Variants in SYNJ2 observed in about 807,000 individuals in gnomAD.
SYNJ2 encodes polyphosphatidylinositol phosphatase SYNJ2.
A neutral mutation model predicts 141.3 loss-of-function variants in SYNJ2; 116 were observed. That is an observed-to-expected ratio of 0.82 (90% CI 0.71 to 0.96). SYNJ2 has a LOEUF of 0.96. SYNJ2 is among the 40% of genes least tolerant of loss of function. The pLI, the probability that SYNJ2 is intolerant of heterozygous loss-of-function variation, is 0.00. For missense variants in SYNJ2, 1,873 were observed against 1,934.8 expected, an observed-to-expected ratio of 0.97 and a Z score of 0.60; for synonymous variants, 745 against 777.7, an observed-to-expected ratio of 0.96 and a Z score of 0.70.
chr6:157,982,239 G>T lies in SYNJ2; in HGVS notation c.127+151G>T. 9.2e-7 allele frequency: 1 copy of T among 1,086,910 alleles called. No individual in the cohort carries two copies. Among genetic ancestry groups the T allele is most frequent in the Non-Finnish European group, 1.2e-6 (1 of 852,128 alleles). The allele number at this position is 1,086,910 out of a possible 1,614,324, so 67.3% of individuals were successfully genotyped here. A position where few individuals can be genotyped will look rare whatever the true frequency, so the allele number is the denominator to read the frequency against. On this transcript the variant is annotated intron_variant, in intron 1 of 26. Transcript: ENST00000355585. This position sits in a 1 kb window ranked among gnomAD's most constrained non-coding sequence, Gnocchi z 4.0. ...GTCGCGCGCAGAGGGGTGGCTGTTT[G>T]AATGAAGTGGGGCTGGGGACTCGAG...
intron 26 of SYNJ2, chr6:158,094,159 A>G (rs2128402753): frequency 1.6e-6 from 1 of 608,350 alleles, no homozygotes; most frequent in Middle Eastern, 4.6e-4. Flanking sequence ...TCTGTCCCAC[A>G]TTGGCTCATT....
At chr6:158,028,288 G>A (rs115582436) in intron 2 of SYNJ2, 2,992 of 177,592 alleles carry the variant, frequency 0.017, 83 homozygotes, top group African/African-American at 0.063. Flanking sequence ...GTGATGGAGT[G>A]GGGGAAGACA....
At chr6:158,059,112 A>C (rs1750034) in intron 6 of SYNJ2, 145 bp from the exon 7 acceptor site, 735,262 of 816,806 alleles carry the variant, frequency 0.9, 331,648 homozygotes, top group Middle Eastern at 0.92. Flanking sequence ...ATTTTCCACG[A>C]TTTGGGTCAT....
At chr6:157,989,427 A>AATATATATATATATATATAT (rs34948131) in intron 1 of SYNJ2, among the ~76,000 whole-genome samples, 1 of 96,288 alleles carries the variant, frequency 1.0e-5, no homozygotes, top group Admixed American at 1.2e-4. Context: ...TAAAAAAATG[A>AATATATATATATATATATAT]ATATATATAT....
At chr6:157,996,985 G>C (rs1236987687) in intron 1 of SYNJ2, among the ~76,000 whole-genome samples, 1 of 152,012 alleles carries the variant, frequency 6.6e-6, no homozygotes, top group Non-Finnish European at 1.5e-5. Flanking sequence ...GTACACCAAG[G>C]GTTGGCCTGG....
At chr6:157,996,859 A>G (rs917431133) in intron 1 of SYNJ2, among the ~76,000 whole-genome samples, 2 of 152,220 alleles carry the variant, frequency 1.3e-5, no homozygotes, top group Admixed American at 6.5e-5. Flanking sequence ...CCTCCCAAGA[A>G]GCAGATGCTG....
At chr6:157,983,569 ATTC>A (rs774488481) in intron 1 of SYNJ2, among the ~76,000 whole-genome samples, 1 of 152,264 alleles carries the variant, frequency 6.6e-6, no homozygotes, top group Non-Finnish European at 1.5e-5. Context: ...ACATTCAAGA[ATTC>A]TTTGAAGCAG....
At chr6:158,074,534 T>G in intron 15 of SYNJ2, 46 bp from the exon 16 acceptor site, 1 of 1,591,426 alleles carries the variant, frequency 6.3e-7, no homozygotes, top group Non-Finnish European at 8.6e-7. Flanking sequence ...TCTCCCACCT[T>G]CCTTGCAAGA....
intron 2 of SYNJ2, among the ~76,000 whole-genome samples, chr6:158,018,870 C>T (rs774617049): frequency 3.9e-5 from 6 of 152,238 alleles, no homozygotes; most frequent in African/African-American, 1.4e-4. Context: ...TGCGGGCTGC[C>T]GAGGGTTTTC....
rs771584233 is a variant in SYNJ2 at position 158,028,923 on chromosome 6, G to C, written c.382G>C (p.Val128Leu). 4 of 1,614,176 alleles carry C rather than the reference G, an allele frequency of 2.5e-6. No individual in the cohort carries two copies. The highest frequency in any genetic ancestry group is 3.4e-6 in the Non-Finnish European group (4 of 1,180,032). ...TTTGAAGAAAATCCTCAGCTCGGGGGTGTTCTATTTCTCATGGCCAAACGA... is the reference window on the plus strand; with the variant it reads ...TTTGAAGAAAATCCTCAGCTCGGGGCTGTTCTATTTCTCATGGCCAAACGA... Reference protein sequence around the residue: ...IALKKILSSGVFYFSWPNDGS... With the variant: ...IALKKILSSGLFYFSWPNDGS... The change falls in exon 3 of 27, where the codon GTG (valine) becomes CTG (leucine). Residue 128 changes from valine (V) to leucine (L), a missense_variant. Physicochemically the swap from Val to Leu is conservative, Grantham distance 32. Transcript: ENST00000355585.
At chr6:158,018,194 G>A (rs920680863) in intron 2 of SYNJ2, among the ~76,000 whole-genome samples, 5 of 152,212 alleles carry the variant, frequency 3.3e-5, no homozygotes, top group Admixed American at 6.5e-5. Flanking sequence ...GGGTGAGCCG[G>A]TGGTGGCCGG....
Position 158,059,453 on chromosome 6 carries a change from G to T in SYNJ2, c.954+100G>T, listed in dbSNP as rs752019348. On this transcript the variant is annotated intron_variant, in intron 7 of 26. Transcript: ENST00000355585. ...GCTCCTGCAGGGACTGGAGCTGACAGCCCAGCCCTCCTTCGTTTCCTGAGG... is the reference window on the plus strand; with the variant it reads ...GCTCCTGCAGGGACTGGAGCTGACATCCCAGCCCTCCTTCGTTTCCTGAGG... 6 of 1,508,248 alleles carry T rather than the reference G, an allele frequency of 4.0e-6. No individual in the cohort carries two copies. The African/African-American group carries it at 8.3e-5, about 21-fold the overall frequency. The allele number at this position is 1,508,248 out of a possible 1,614,324, so 93.4% of individuals were successfully genotyped here.
In SYNJ2 at chr6:158,095,597, CTT is replaced by C. The variant is rs916909033; in HGVS notation, c.3745-19_3745-18del. On this transcript the variant is annotated intron_variant, in intron 26 of 26. Transcript: ENST00000355585. ...TAGTTATTGGCTTCTTATTTACACT[CTT>C]TGTCCCACCTTTTCTCAGCCCCTGT... 2 of 1,567,420 alleles carry C rather than the reference CTT, an allele frequency of 1.3e-6. No homozygotes were observed. Among genetic ancestry groups the C allele is most frequent in the Non-Finnish European group, 1.7e-6 (2 of 1,160,496 alleles).
At chr6:157,987,559 G>A (rs375752355) in intron 1 of SYNJ2, among the ~76,000 whole-genome samples, 5 of 151,878 alleles carry the variant, frequency 3.3e-5, no homozygotes, top group Admixed American at 6.6e-5. Context: ...GTGCCATCAC[G>A]TCCGGCTAAT....
At position 158,068,638 on chromosome 6, in the gene SYNJ2, G is replaced by A. The variant is rs756149394; in HGVS notation, c.1718-9G>A. 1.2e-6 allele frequency: 2 copies of A among 1,614,174 alleles called. No homozygotes were observed. Among genetic ancestry groups the A allele is most frequent in the Admixed American group, 1.7e-5 (1 of 60,026 alleles). On this transcript the variant is annotated splice_polypyrimidine_tract_variant and intron_variant, in intron 12 of 26. Coordinates refer to ENST00000355585, the MANE Select transcript of SYNJ2 (RefSeq NM_003898.4). ...TCTGACTTCTGTCATCTCTTGCCTT[G>A]CTCCCCAGATGACAGCAGCCCAGCT...
rs139908666 is a variant in SYNJ2 at position 158,074,060 on chromosome 6, C to T, written c.2134-520C>T. Among the ~76,000 whole-genome samples, 30 of 152,112 alleles carry T rather than the reference C, an allele frequency of 2.0e-4. 1 individual carries two copies. In the South Asian group the frequency reaches 5.8e-3, roughly 29 times the overall value. On this transcript the variant is annotated intron_variant, in intron 15 of 26. Transcript: ENST00000355585. ...GAAGGCAAGGACCCCAGGAGCTCTCCGGGGCTGAGCTGGGGCCGTGGGCTC... is the reference window on the plus strand; with the variant it reads ...GAAGGCAAGGACCCCAGGAGCTCTCTGGGGCTGAGCTGGGGCCGTGGGCTC...
In SYNJ2 at chr6:158,084,001, G is replaced by C; in HGVS notation, c.3035G>C (p.Gly1012Ala). The C allele has an allele frequency of 6.2e-7, 1 of 1,614,012 alleles. No individual in the cohort carries two copies. The highest frequency in any genetic ancestry group is 2.2e-5 in the East Asian group (1 of 44,878). ...ATTGTGATTCATTTCCTTCTCCCAGGGGATATTCTTGAAGACGATGAAGAC... is the reference window on the plus strand; with the variant it reads ...ATTGTGATTCATTTCCTTCTCCCAGCGGATATTCTTGAAGACGATGAAGAC... ...DFTSLDYESE[G>A]DILEDDEDYL... The change falls in exon 22 of 27, where the codon GGG becomes GCG. Residue 1012 changes from glycine to alanine, a missense_variant and splice_region_variant. Transcript: ENST00000355585. This position sits in a 1 kb window ranked among gnomAD's most constrained non-coding sequence, Gnocchi z 5.0.
Position 158,083,574 on chromosome 6 carries a change from C to T in SYNJ2, c.3011C>T (p.Thr1004Ile), listed in dbSNP as rs1562399062. 6.2e-7 allele frequency: 1 copy of T among 1,614,166 alleles called. No individual in the cohort carries two copies. The highest frequency in any genetic ancestry group is 1.6e-4 in the Middle Eastern group (1 of 6,062). ...SCLLEENFDFTSLDYESEGDI... is the reference protein window; with the variant it reads ...SCLLEENFDFISLDYESEGDI... ...TTGCTGGAGGAAAACTTTGACTTCA[C>T]AAGTTTGGACTATGAGTCAGAAGGT... The change falls in exon 21 of 27, where the codon ACA becomes ATA. Residue 1004 changes from threonine to isoleucine, a missense_variant. Transcript: ENST00000355585.
intron 2 of SYNJ2, chr6:158,028,423 TC>T (rs1779173813): frequency 2.8e-6 from 1 of 355,438 alleles, no homozygotes; most frequent in Admixed American, 4.2e-5. Context: ...ATTTTCAGAC[TC>T]CTGGGGGCAT....
Sources: gnomAD v4.1 joint callset for allele counts (sites outside exome capture counted in the v4.1 genomes callset) on GRCh38, gnomAD v4.1.1 for gene constraint, Gnocchi (gnomAD v3.1) non-coding constraint, MANE v1.5 for transcripts, NCBI Gene and HGNC (gene_info 2026-07-23, HGNC 2026-07-21) for gene names.